Variants in GALNT17 observed in about 807,000 individuals in gnomAD.
GALNT17 encodes the protein polypeptide N-acetylgalactosaminyltransferase 17.
Under a neutral mutation model 63.7 loss-of-function variants are expected in GALNT17, and 29 were observed. That is an observed-to-expected ratio of 0.46 (90% CI 0.34 to 0.62). GALNT17 has a LOEUF of 0.62. Among genes scored for constraint, GALNT17 ranks in the 20% least tolerant of loss-of-function variants. GALNT17 has a pLI of 0.01. For synonymous variants in GALNT17, 305 were observed against 318.3 expected (o/e 0.96, Z 0.45); for missense variants, 603 against 799.6 (o/e 0.75, Z 2.97).
intron 2 of GALNT17, among the ~76,000 whole-genome samples, chr7:71,361,421 A>G (rs892804885): frequency 1.3e-5 from 2 of 152,202 alleles, no homozygotes; most frequent in African/African-American, 4.8e-5. Context: ...ACCGCCTTGA[A>G]GGTTTCTTCC....
chr7:71,643,339 G>A (rs1230378238), intron 6 of GALNT17, among the ~76,000 whole-genome samples: 1 of 152,032 alleles, frequency 6.6e-6, no homozygotes, highest in Non-Finnish European at 1.5e-5. Flanking sequence ...GTGGTGGCGT[G>A]TGCCTGTAAT....
chr7:71,192,318 A>G (rs770997766), intron 1 of GALNT17, among the ~76,000 whole-genome samples: 2 of 152,152 alleles, frequency 1.3e-5, no homozygotes, highest in Non-Finnish European at 2.9e-5. Flanking sequence ...AGACACACCC[A>G]GGGACAATAC....
At chr7:71,306,837 T>C (rs1353448508) in intron 1 of GALNT17, among the ~76,000 whole-genome samples, 1 of 151,714 alleles carries the variant, frequency 6.6e-6, no homozygotes, top group Non-Finnish European at 1.5e-5. Context: ...TTTGTTTTGT[T>C]TTTTGAGACA....
intron 6 of GALNT17, among the ~76,000 whole-genome samples, chr7:71,627,426 A>G (rs1344718854): frequency 6.6e-6 from 1 of 152,140 alleles, no homozygotes; most frequent in Non-Finnish European, 1.5e-5. Flanking sequence ...CTCGAAAAGA[A>G]AATAAAAGGA....
chr7:71,707,514 C>T (rs1584152155), intron 9 of GALNT17, among the ~76,000 whole-genome samples: 13 of 152,338 alleles, frequency 8.5e-5, no homozygotes, highest in Admixed American at 8.5e-4. Context: ...TGCATAACAA[C>T]TACCCCAAAA....
At chr7:71,372,645 G>T (rs542745191) in intron 2 of GALNT17, among the ~76,000 whole-genome samples, 1 of 152,286 alleles carries the variant, frequency 6.6e-6, no homozygotes, top group African/African-American at 2.4e-5. Context: ...TGTAGAGATG[G>T]AGTTTCACCA....
At chr7:71,275,205 T>A (rs1366072307) in intron 1 of GALNT17, among the ~76,000 whole-genome samples, 3 of 152,134 alleles carry the variant, frequency 2.0e-5, no homozygotes, top group Non-Finnish European at 4.4e-5. Context: ...TAACAAAGAT[T>A]CTCAGAGTCA....
chr7:71,176,683 A>G (rs10268304), intron 1 of GALNT17, among the ~76,000 whole-genome samples: 40,012 of 152,008 alleles, frequency 0.26, 9,781 homozygotes, highest in African/African-American at 0.66. Flanking sequence ...AGGGTTTGCT[A>G]GCCTCCCTGG....
intron 9 of GALNT17, among the ~76,000 whole-genome samples, chr7:71,708,189 A>G (rs555786657): frequency 4.7e-4 from 72 of 152,302 alleles, no homozygotes; most frequent in Non-Finnish European, 7.6e-4. Flanking sequence ...GTCCAGTCTT[A>G]TGCTGTTAAT....
chr7:71,668,022 C>T (rs911387626), intron 7 of GALNT17, among the ~76,000 whole-genome samples: 2 of 152,084 alleles, frequency 1.3e-5, no homozygotes, highest in African/African-American at 4.8e-5. Flanking sequence ...TGGTCTTGAA[C>T]TCTTTGGCTC....
rs62457836 is a variant in GALNT17 at position 71,289,914 on chromosome 7, A to T, written c.239-45636A>T. The stretch of plus-strand genomic sequence containing the variant: ...AAAAAAAAAAGCCAGATGTGGTGGC[A>T]CGCACCTGTAGTCCCAGCTATTCGG... On this transcript the variant is annotated intron_variant, in intron 1 of 10. Transcript: ENST00000333538. Among the ~76,000 whole-genome samples the T allele has an allele frequency of 9.4e-3, 1,420 of 150,516 alleles. 6 individuals are homozygous for T. The highest frequency in any genetic ancestry group is 0.016 in the Non-Finnish European group (1,079 of 67,690).
intron 5 of GALNT17, among the ~76,000 whole-genome samples, chr7:71,452,568 G>A (rs1407128448): frequency 1.3e-5 from 2 of 152,056 alleles, no homozygotes; most frequent in Non-Finnish European, 2.9e-5. Flanking sequence ...AAATAAAAAA[G>A]GATTTTAGGG....
intron 5 of GALNT17, among the ~76,000 whole-genome samples, chr7:71,543,144 G>A (rs187642525): frequency 1.1e-4 from 16 of 152,050 alleles, no homozygotes; most frequent in Non-Finnish European, 2.2e-4. Flanking sequence ...TTTCATGGCT[G>A]TGAATATGTT....
chr7:71,639,764 T>C (rs1019054130), intron 6 of GALNT17, among the ~76,000 whole-genome samples: 3 of 152,230 alleles, frequency 2.0e-5, no homozygotes, highest in African/African-American at 7.2e-5. Flanking sequence ...TTTCTGAGGT[T>C]CATAAAGCAT....
At chr7:71,482,213 G>A (rs1787833375) in intron 5 of GALNT17, among the ~76,000 whole-genome samples, 1 of 149,486 alleles carries the variant, frequency 6.7e-6, no homozygotes, top group South Asian at 2.1e-4. Flanking sequence ...GCAGTGGTGC[G>A]ATCTCGGCTC....
chr7:71,340,697 T>C (rs946280764), intron 2 of GALNT17, among the ~76,000 whole-genome samples: 2 of 151,400 alleles, frequency 1.3e-5, no homozygotes, highest in African/African-American at 4.9e-5. Context: ...TCATAGAATG[T>C]TTTGTTTTGT....
chr7:71,268,378 C>CA (rs1242684715), intron 1 of GALNT17, among the ~76,000 whole-genome samples: 11 of 95,636 alleles, frequency 1.2e-4, no homozygotes, highest in Non-Finnish European at 2.2e-4. Context: ...CCCGTGTCTA[C>CA]AAAAAATACA....
intron 5 of GALNT17, among the ~76,000 whole-genome samples, chr7:71,479,918 GA>G (rs1236201646): frequency 6.6e-6 from 1 of 152,132 alleles, no homozygotes; most frequent in Non-Finnish European, 1.5e-5. Flanking sequence ...ATCATGGCCA[GA>G]GACAACTTCT....
chr7:71,187,115 A>G (rs532476223), intron 1 of GALNT17, among the ~76,000 whole-genome samples: 9 of 152,070 alleles, frequency 5.9e-5, no homozygotes, highest in African/African-American at 1.9e-4. Flanking sequence ...GTAGATACTT[A>G]ATTTTTTGTT....
Sources: gnomAD v4.1 joint callset for allele counts (sites outside exome capture counted in the v4.1 genomes callset) on GRCh38, gnomAD v4.1.1 for gene constraint, MANE v1.5 for transcripts, NCBI Gene and HGNC (gene_info 2026-07-23, HGNC 2026-07-21) for gene names.